SPIRE1: variants seen among roughly 807,000 people sequenced by gnomAD.
SPIRE1 encodes protein spire homolog 1.
SPIRE1 carries 40 observed loss-of-function variants against 94.1 expected under a neutral mutation model. The observed-to-expected ratio is 0.43, with a 90% CI of 0.33 to 0.55. The LOEUF (loss-of-function observed/expected upper bound fraction) is 0.55, where lower values mean the gene tolerates loss of function less well. Among genes scored for constraint, SPIRE1 ranks in the 20% least tolerant of loss-of-function variants. The pLI is 0.06. For synonymous variants in SPIRE1, 376 were observed against 371.7 expected, an observed-to-expected ratio of 1.01 and a Z score of -0.13; for missense variants, 838 against 975.2, an observed-to-expected ratio of 0.86 and a Z score of 1.87.
chr18:12,475,593 A>C (rs1395533120), intron 10 of SPIRE1, among the ~76,000 whole-genome samples: 2 of 152,226 alleles, frequency 1.3e-5, no homozygotes, highest in Non-Finnish European at 2.9e-5. Flanking sequence ...AAATTACTAT[A>C]AAATGTGAAC....
At chr18:12,454,722 A>G (rs982442472) in intron 12 of SPIRE1, among the ~76,000 whole-genome samples, 1 of 152,192 alleles carries the variant, frequency 6.6e-6, no homozygotes, top group African/African-American at 2.4e-5. Flanking sequence ...AATAAATGAA[A>G]GTTCCTCACG....
chr18:12,642,476 G>GA (rs1369653089), intron 1 of SPIRE1, among the ~76,000 whole-genome samples: 1 of 151,730 alleles, frequency 6.6e-6, no homozygotes, highest in Non-Finnish European at 1.5e-5. Context: ...TCTCCCCTTG[G>GA]ACCTAGTATC....
intron 2 of SPIRE1, 106 bp downstream of exon 2, chr18:12,634,956 C>A (rs878910816): frequency 2.6e-5 from 15 of 579,566 alleles, no homozygotes; most frequent in Non-Finnish European, 3.6e-5. Context: ...AAAAAGAAAT[C>A]TTATCAGAAG....
chr18:12,513,649 G>C (rs1022040712), intron 4 of SPIRE1, among the ~76,000 whole-genome samples: 1 of 151,296 alleles, frequency 6.6e-6, no homozygotes, highest in Non-Finnish European at 1.5e-5. Context: ...TCAGCCTCCC[G>C]AGTAGCTAGG....
chr18:12,513,138 G>A (rs994226335), intron 4 of SPIRE1, among the ~76,000 whole-genome samples: 1 of 152,040 alleles, frequency 6.6e-6, no homozygotes, highest in African/African-American at 2.4e-5. Context: ...ATCTTCAGAG[G>A]CCACACAAGC....
intron 1 of SPIRE1, among the ~76,000 whole-genome samples, chr18:12,655,091 A>G (rs2038500950): frequency 6.6e-6 from 1 of 151,536 alleles, no homozygotes; most frequent in African/African-American, 2.4e-5. Context: ...GGTGGGTTAC[A>G]CCTGTAACCC....
chr18:12,645,278 T>C (rs1567988631), intron 1 of SPIRE1, among the ~76,000 whole-genome samples: 1 of 152,138 alleles, frequency 6.6e-6, no homozygotes, highest in Admixed American at 6.5e-5. Flanking sequence ...TTTGCAACTA[T>C]CTGGAAGGCA....
At chr18:12,493,395 A>G (rs192297863) in intron 7 of SPIRE1, among the ~76,000 whole-genome samples, 194 bp from the exon 8 acceptor site, 68 of 152,280 alleles carry the variant, frequency 4.5e-4, no homozygotes, top group African/African-American at 1.6e-3. Context: ...TGATTTGGTT[A>G]TACATTCTCA....
At chr18:12,561,902 A>T (rs1598474314) in intron 2 of SPIRE1, among the ~76,000 whole-genome samples, 1 of 152,200 alleles carries the variant, frequency 6.6e-6, no homozygotes, top group East Asian at 1.9e-4. Context: ...GGGTGCCACA[A>T]TTGCAAAAGA....
rs73407540 is a variant in SPIRE1 at position 12,572,714 on chromosome 18, C to T, written c.373-25810G>A. On this transcript the variant is annotated intron_variant, in intron 2 of 16. Coordinates refer to ENST00000409402, the MANE Select transcript of SPIRE1 (RefSeq NM_001128626.2). Reference sequence around the variant, plus strand: ...AGATCAATGGGACAGAGTACACAGCCGAGAAATGTACTCACAGAAATAGAG... The same window carrying T: ...AGATCAATGGGACAGAGTACACAGCTGAGAAATGTACTCACAGAAATAGAG... Among the ~76,000 whole-genome samples, 1,153 of 152,012 alleles carry T rather than the reference C, an allele frequency of 7.6e-3. 19 individuals carry two copies. The highest frequency in any genetic ancestry group is 0.026 in the African/African-American group (1,078 of 41,432).
intron 8 of SPIRE1, among the ~76,000 whole-genome samples, chr18:12,491,844 C>T (rs1168084545): frequency 1.3e-5 from 2 of 152,100 alleles, no homozygotes; most frequent in Non-Finnish European, 2.9e-5. Context: ...ATGACAGCCT[C>T]GGCTGGGATA....
intron 2 of SPIRE1, among the ~76,000 whole-genome samples, chr18:12,588,197 T>A (rs1009815235): frequency 6.6e-6 from 1 of 152,232 alleles, no homozygotes; most frequent in Non-Finnish European, 1.5e-5. Flanking sequence ...ATATATCACA[T>A]TTTATTCATC....
intron 6 of SPIRE1, among the ~76,000 whole-genome samples, chr18:12,498,967 T>C (rs1446288832): frequency 6.6e-6 from 1 of 152,170 alleles, no homozygotes; most frequent in Non-Finnish European, 1.5e-5. Context: ...TCTCACTAAG[T>C]TGCCCAGGCT....
chr18:12,574,279 C>A (rs1387204359), intron 2 of SPIRE1, among the ~76,000 whole-genome samples: 1 of 152,086 alleles, frequency 6.6e-6, no homozygotes, highest in Non-Finnish European at 1.5e-5. Flanking sequence ...TTTAAAAATA[C>A]AGTGTTAGAG....
chr18:12,478,964 CTAAGTA>C (rs945912634), intron 10 of SPIRE1, among the ~76,000 whole-genome samples: 7 of 151,414 alleles, frequency 4.6e-5, no homozygotes, highest in Admixed American at 4.6e-4. Flanking sequence ...AAGAACAATC[CTAAGTA>C]TGAGTGTGTG....
At chr18:12,624,354 C>T (rs1041848694) in intron 2 of SPIRE1, among the ~76,000 whole-genome samples, 4 of 151,254 alleles carry the variant, frequency 2.6e-5, no homozygotes, top group African/African-American at 9.7e-5. Context: ...ACCAACCTGA[C>T]CAATATGGTG....
chr18:12,622,993 G>A (rs2144750532), intron 2 of SPIRE1, among the ~76,000 whole-genome samples: 1 of 152,220 alleles, frequency 6.6e-6, no homozygotes, highest in Middle Eastern at 3.4e-3. Context: ...CTCTAAGAAT[G>A]GCACACAACA....
chr18:12,495,631 G>A (rs2033430142), intron 7 of SPIRE1, among the ~76,000 whole-genome samples: 1 of 152,192 alleles, frequency 6.6e-6, no homozygotes, highest in Admixed American at 6.5e-5. Flanking sequence ...GCTCATGTCT[G>A]TAATCCCAAC....
At chr18:12,613,175 C>T (rs1251398401) in intron 2 of SPIRE1, among the ~76,000 whole-genome samples, 1 of 152,162 alleles carries the variant, frequency 6.6e-6, no homozygotes, top group African/African-American at 2.4e-5. Context: ...AAAGTCTTGT[C>T]TTCAGTTGGT....
Sources: allele counts gnomAD v4.1 joint callset (sites outside exome capture counted in the v4.1 genomes callset), GRCh38; gene constraint gnomAD v4.1.1; transcripts MANE v1.5; gene names NCBI Gene and HGNC (gene_info 2026-07-23, HGNC 2026-07-21).